Variants in PSMA8 observed in about 807,000 individuals in gnomAD.
PSMA8 encodes the protein proteasome 20S subunit alpha 8.
PSMA8 carries 18 observed loss-of-function variants against 32.4 expected under a neutral mutation model. The observed-to-expected ratio is 0.56, with a 90% CI of 0.38 to 0.82. The LOEUF (loss-of-function observed/expected upper bound fraction) is 0.82. PSMA8 is among the 40% of genes least tolerant of loss of function. The pLI is 0.00. For missense variants in PSMA8, 298 were observed against 300.7 expected, an observed-to-expected ratio of 0.99 and a Z score of 0.07; for synonymous variants, 104 against 98.1, an observed-to-expected ratio of 1.06 and a Z score of -0.36.
chr18:26,180,037 G>T (rs2055298030), intron 6 of PSMA8, among the ~76,000 whole-genome samples: 1 of 151,914 alleles, frequency 6.6e-6, no homozygotes, highest in African/African-American at 2.4e-5. Flanking sequence ...GATCACTTGA[G>T]GTCAGGAGTT....
chr18:26,173,559 CTTT>C (rs200356088), intron 4 of PSMA8, among the ~76,000 whole-genome samples: 1 of 143,944 alleles, frequency 6.9e-6, no homozygotes. Flanking sequence ...TTTTTGTCTA[CTTT>C]TTTTTTTTTT....
In PSMA8 at chr18:26,154,956, G is replaced by T. The variant is rs183387641; in HGVS notation, c.354+2974G>T. ...GAAAATGATTCATTAGTCTAGGCAC[G>T]GTGGCTTATGCCTGTAATCCCAGCA... On this transcript the variant is annotated intron_variant, in intron 3 of 6. Transcript: ENST00000415576. 5.1e-3 allele frequency among the ~76,000 whole-genome samples: 773 copies of T among 152,052 alleles called. 5 individuals carry two copies. The highest frequency in any genetic ancestry group is 0.018 in the African/African-American group (729 of 41,514).
At chr18:26,150,021 A>T (rs760845318) in intron 2 of PSMA8, among the ~76,000 whole-genome samples, 1 of 152,230 alleles carries the variant, frequency 6.6e-6, no homozygotes. Flanking sequence ...AACACACCCA[A>T]TTGGAAAATC....
intron 4 of PSMA8, among the ~76,000 whole-genome samples, chr18:26,165,878 C>A (rs1019564660): frequency 6.6e-6 from 1 of 151,848 alleles, no homozygotes; most frequent in African/African-American, 2.4e-5. Flanking sequence ...GGTGGATCAC[C>A]TGAGGTCAGG....
At chr18:26,162,669 T>C (rs1164364524) in intron 4 of PSMA8, among the ~76,000 whole-genome samples, 1 of 152,024 alleles carries the variant, frequency 6.6e-6, no homozygotes, top group Non-Finnish European at 1.5e-5. Flanking sequence ...ATTGAGACCA[T>C]CCTGGCTAAC....
chr18:26,158,678 C>T (rs1303576291), intron 4 of PSMA8, among the ~76,000 whole-genome samples: 69 of 152,182 alleles, frequency 4.5e-4, no homozygotes, highest in Non-Finnish European at 1.5e-5. Context: ...AATCTATACT[C>T]ATGTGCTAGT....
intron 6 of PSMA8, among the ~76,000 whole-genome samples, chr18:26,186,845 G>T (rs959178326): frequency 1.3e-5 from 2 of 152,152 alleles, no homozygotes; most frequent in Non-Finnish European, 2.9e-5. Context: ...CTGAGCTTCT[G>T]CAAGAACTAA....
intron 4 of PSMA8, among the ~76,000 whole-genome samples, chr18:26,160,273 C>T (rs989952997): frequency 2.0e-5 from 3 of 152,158 alleles, no homozygotes; most frequent in African/African-American, 7.2e-5. Flanking sequence ...CCACTGCACT[C>T]CAACCTGAGT....
chr18:26,178,011 C>T (rs529279538), intron 4 of PSMA8, among the ~76,000 whole-genome samples: 18 of 152,026 alleles, frequency 1.2e-4, no homozygotes, highest in Admixed American at 3.3e-4. Context: ...TCCAGGAGTT[C>T]GAGACCCACC....
intron 6 of PSMA8, among the ~76,000 whole-genome samples, chr18:26,191,356 C>T (rs983882891): frequency 9.9e-5 from 15 of 152,020 alleles, no homozygotes; most frequent in Admixed American, 9.2e-4. Context: ...TGGCCAGGCA[C>T]GGTGGCTCAG....
chr18:26,188,302 G>A (rs1451834236), intron 6 of PSMA8, among the ~76,000 whole-genome samples: 1 of 149,560 alleles, frequency 6.7e-6, no homozygotes, highest in Non-Finnish European at 1.5e-5. Context: ...CAAAGAAGGA[G>A]GTTTATAGCT....
intron 3 of PSMA8, among the ~76,000 whole-genome samples, chr18:26,157,170 G>A (rs1211091520): frequency 3.3e-5 from 5 of 152,066 alleles, no homozygotes; most frequent in African/African-American, 1.2e-4. Flanking sequence ...AGACCAGGAA[G>A]AAGGCTGATG....
At chr18:26,147,253 T>C (rs1370457257) in intron 2 of PSMA8, among the ~76,000 whole-genome samples, 1 of 149,086 alleles carries the variant, frequency 6.7e-6, no homozygotes, top group African/African-American at 2.5e-5. Flanking sequence ...ATACAGAGTA[T>C]TTTTTTCTGA....
chr18:26,179,047 A>G, intron 5 of PSMA8, 21 bp from the exon 6 acceptor site: 1 of 1,609,640 alleles, frequency 6.2e-7, no homozygotes, highest in Non-Finnish European at 8.5e-7. Flanking sequence ...TAATTCTAAT[A>G]GTGTACTTGT....
Position 26,186,117 on chromosome 18 carries a change from A to G in PSMA8, c.661-6202A>G, listed in dbSNP as rs537729616. 1.5e-5 allele frequency among the ~76,000 whole-genome samples: 2 copies of G among 137,690 alleles called. 1 individual carries two copies. The highest frequency in any genetic ancestry group is 3.2e-5 in the Non-Finnish European group (2 of 62,672). The allele number at this position is 137,690 out of a possible 152,430, so 90.3% of individuals were successfully genotyped here. On this transcript the variant is annotated intron_variant, in intron 6 of 6. Transcript: ENST00000415576. ...AAAAAAAATTAGCTGGGTGTGTTGG[A>G]GGGCACCTGTAGTCCCAGCTACTTG...
intron 2 of PSMA8, among the ~76,000 whole-genome samples, chr18:26,145,306 C>T (rs1054466131): frequency 1.3e-5 from 2 of 151,892 alleles, no homozygotes; most frequent in Non-Finnish European, 2.9e-5. Context: ...TTAGTGGAGA[C>T]GGGGTTTCTC....
At chr18:26,177,073 T>C (rs977168851) in intron 4 of PSMA8, among the ~76,000 whole-genome samples, 2 of 152,220 alleles carry the variant, frequency 1.3e-5, no homozygotes, top group African/African-American at 2.4e-5. Flanking sequence ...GGCAGCATAG[T>C]GTATCAAGTT....
chr18:26,179,818 T>A (rs974683355), intron 6 of PSMA8, among the ~76,000 whole-genome samples: 3 of 151,780 alleles, frequency 2.0e-5, no homozygotes, highest in Admixed American at 1.3e-4. Flanking sequence ...AATATGGCAG[T>A]GTACGCCTGT....
intron 3 of PSMA8, among the ~76,000 whole-genome samples, chr18:26,153,280 G>A (rs2055061078): frequency 1.3e-5 from 2 of 151,690 alleles, no homozygotes; most frequent in Admixed American, 1.3e-4. Flanking sequence ...TCTCTCTGCT[G>A]CTCTAATGAT....
Sources: allele counts gnomAD v4.1 joint callset (sites outside exome capture counted in the v4.1 genomes callset), GRCh38; gene constraint gnomAD v4.1.1; transcripts MANE v1.5; gene names NCBI Gene and HGNC (gene_info 2026-07-23, HGNC 2026-07-21).